ANXA10: variants seen among roughly 807,000 people sequenced by gnomAD.
The protein encoded by ANXA10 is annexin 14.
In ANXA10, 49 loss-of-function variants were observed where a neutral mutation model predicts 53.5. The ratio of observed to expected loss-of-function variants is 0.92; its 90% CI spans 0.73 to 1.16. ANXA10 has a LOEUF of 1.16. Ranked by LOEUF, ANXA10 falls within the 50% of genes most tolerant of loss-of-function variation. ANXA10 has a pLI of 0.00. For synonymous variants in ANXA10, 131 were observed against 128.9 expected (o/e 1.02, Z -0.11); for missense variants, 393 against 394.4 (o/e 1.00, Z 0.03).
At chr4:168,147,949 T>A (rs1469100339) in intron 3 of ANXA10, among the ~76,000 whole-genome samples, 2 of 152,206 alleles carry the variant, frequency 1.3e-5, no homozygotes, top group Admixed American at 6.5e-5. Flanking sequence ...TTAGTCAGCA[T>A]GACACGTTGA....
intron 1 of ANXA10, among the ~76,000 whole-genome samples, chr4:168,125,368 A>T (rs1344893927): frequency 6.6e-6 from 1 of 152,190 alleles, no homozygotes; most frequent in Non-Finnish European, 1.5e-5. Flanking sequence ...ATACTGAATT[A>T]TCCATTGAAA....
chr4:168,102,496 A>G (rs1483923242), intron 1 of ANXA10, among the ~76,000 whole-genome samples: 2 of 152,094 alleles, frequency 1.3e-5, no homozygotes, highest in Admixed American at 1.3e-4. Context: ...ACAGAGTCAT[A>G]AACTATTGAA....
At chr4:168,184,879 G>T (rs1475303615) in intron 11 of ANXA10, among the ~76,000 whole-genome samples, 198 bp downstream of exon 11, 1 of 152,110 alleles carries the variant, frequency 6.6e-6, no homozygotes, top group Non-Finnish European at 1.5e-5. Flanking sequence ...CCTCAGCTGG[G>T]CGTGGTGGCT....
chr4:168,128,908 A>G (rs1731115769), intron 2 of ANXA10, among the ~76,000 whole-genome samples: 1 of 150,368 alleles, frequency 6.7e-6, no homozygotes, highest in African/African-American at 2.4e-5. Context: ...ATATAGAGAG[A>G]GAAGAAGGGA....
chr4:168,174,798 A>G (rs1323974908), intron 6 of ANXA10, among the ~76,000 whole-genome samples: 1 of 151,656 alleles, frequency 6.6e-6, no homozygotes, highest in South Asian at 2.1e-4. Flanking sequence ...AGTGTGGAAG[A>G]CTGAGACTAT....
At chr4:168,128,566 C>CA (rs1731109585) in intron 2 of ANXA10, among the ~76,000 whole-genome samples, 1 of 152,100 alleles carries the variant, frequency 6.6e-6, no homozygotes, top group Non-Finnish European at 1.5e-5. Context: ...GCTATTCCCC[C>CA]AAATGACTCT....
At chr4:168,179,150 G>T (rs1732189127) in intron 8 of ANXA10, 67 bp from the exon 9 acceptor site, 1 of 979,962 alleles carries the variant, frequency 1.0e-6, no homozygotes, top group East Asian at 2.7e-5. Flanking sequence ...TTTACTATGT[G>T]TAACAATCTA....
intron 2 of ANXA10, among the ~76,000 whole-genome samples, chr4:168,135,175 G>A (rs918241681): frequency 6.6e-6 from 1 of 152,192 alleles, no homozygotes; most frequent in Non-Finnish European, 1.5e-5. Flanking sequence ...TGGTGAGATA[G>A]TAGGAAAGAA....
intron 1 of ANXA10, among the ~76,000 whole-genome samples, chr4:168,124,161 C>T (rs1330946846): frequency 2.6e-5 from 4 of 152,080 alleles, no homozygotes; most frequent in African/African-American, 9.7e-5. Flanking sequence ...TAGAGGGCAC[C>T]ATGTTGGGAG....
At chr4:168,122,034 C>G (rs7665767) in intron 1 of ANXA10, among the ~76,000 whole-genome samples, 93,064 of 151,614 alleles carry the variant, frequency 0.61, 29,502 homozygotes, top group African/African-American at 0.78. Context: ...GTACAGATGG[C>G]GTTTCACCAT....
At chr4:168,183,096 A>G (rs1578942146) in intron 10 of ANXA10, among the ~76,000 whole-genome samples, 2 of 152,244 alleles carry the variant, frequency 1.3e-5, no homozygotes, top group East Asian at 3.9e-4. Flanking sequence ...TTGAAAACTC[A>G]AAGAAAACGA....
intron 1 of ANXA10, among the ~76,000 whole-genome samples, chr4:168,125,850 G>C (rs1279260925): frequency 6.6e-6 from 1 of 152,172 alleles, no homozygotes; most frequent in Admixed American, 6.6e-5. Context: ...TCTTCTAAAA[G>C]GAGAGTATTC....
chr4:168,103,568 A>G (rs1169402120), intron 1 of ANXA10, among the ~76,000 whole-genome samples: 1 of 151,936 alleles, frequency 6.6e-6, no homozygotes, highest in Non-Finnish European at 1.5e-5. Context: ...ACTTAATAAT[A>G]ATAATTCTTA....
rs754098608 is a variant in ANXA10 at position 168,142,000 on chromosome 4, C to G, written c.195+2420C>G. Among the ~76,000 whole-genome samples the G allele has an allele frequency of 2.0e-5, 3 of 152,082 alleles. No homozygotes were observed. The South Asian group carries it at 6.2e-4, about 32-fold the overall frequency. On this transcript the variant is annotated intron_variant, in intron 3 of 11. Transcript: ENST00000359299. ...CTCATTACCACCACCCCAGTAAGGTCGTACAGCAGTCAAATTGGTACTTGT... is the reference window on the plus strand; with the variant it reads ...CTCATTACCACCACCCCAGTAAGGTGGTACAGCAGTCAAATTGGTACTTGT...
intron 1 of ANXA10, among the ~76,000 whole-genome samples, chr4:168,117,224 C>G (rs963411503): frequency 6.6e-6 from 1 of 151,900 alleles, no homozygotes; most frequent in Non-Finnish European, 1.5e-5. Context: ...GCCTGGGCAA[C>G]AGAAAAAAAT....
At chr4:168,166,413 G>A (rs180697009) in intron 6 of ANXA10, among the ~76,000 whole-genome samples, 3 of 152,036 alleles carry the variant, frequency 2.0e-5, no homozygotes, top group East Asian at 3.9e-4. Context: ...CCACATATTA[G>A]CATTGTAATA....
chr4:168,130,055 T>C (rs1408263440), intron 2 of ANXA10, among the ~76,000 whole-genome samples: 1 of 152,156 alleles, frequency 6.6e-6, no homozygotes, highest in Non-Finnish European at 1.5e-5. Flanking sequence ...GTGGACAATC[T>C]CAGCTTGTTC....
intron 3 of ANXA10, among the ~76,000 whole-genome samples, chr4:168,142,347 A>C (rs771289502): frequency 2.6e-5 from 4 of 152,106 alleles, no homozygotes; most frequent in Non-Finnish European, 5.9e-5. Context: ...TTTCACCTGC[A>C]GTCAAATAGA....
chr4:168,184,806 C>A, intron 11 of ANXA10, 125 bp downstream of exon 11: 1 of 1,312,812 alleles, frequency 7.6e-7, no homozygotes, highest in African/African-American at 1.5e-5. Context: ...CAGGGATAAC[C>A]TAGTTTTTTT....
Sources: allele counts gnomAD v4.1 joint callset (sites outside exome capture counted in the v4.1 genomes callset), GRCh38; gene constraint gnomAD v4.1.1; transcripts MANE v1.5; gene names NCBI Gene and HGNC (gene_info 2026-07-23, HGNC 2026-07-21).